Variants in SUGCT observed in about 807,000 individuals in gnomAD.
SUGCT encodes succinyl-CoA:glutarate-CoA transferase.
SUGCT carries 41 observed loss-of-function variants against 55.0 expected under a neutral mutation model. The ratio of observed to expected loss-of-function variants is 0.74; its 90% CI spans 0.58 to 0.97. The LOEUF (loss-of-function observed/expected upper bound fraction) is 0.97. Ranked by LOEUF, SUGCT falls within the 50% of genes least tolerant of loss-of-function variation. The probability of loss-of-function intolerance (pLI) is 0.00; values close to 1 mark genes in which losing one functional copy is unlikely to be tolerated. For synonymous variants in SUGCT, 187 were observed against 200.4 expected, an observed-to-expected ratio of 0.93 and a Z score of 0.56; for missense variants, 568 against 547.8, an observed-to-expected ratio of 1.04 and a Z score of -0.37.
At chr7:40,548,337 C>A (rs748094513) in intron 12 of SUGCT, among the ~76,000 whole-genome samples, 1 of 151,796 alleles carries the variant, frequency 6.6e-6, no homozygotes, top group Non-Finnish European at 1.5e-5. Flanking sequence ...TACAGGCACA[C>A]CCCATGGCAC....
At chr7:40,328,011 G>T (rs181228016) in intron 9 of SUGCT, among the ~76,000 whole-genome samples, 6 of 152,296 alleles carry the variant, frequency 3.9e-5, no homozygotes, top group African/African-American at 1.4e-4. Context: ...TCTAACTGAG[G>T]CAGGGGGACT....
At chr7:40,965,462 CAG>C in the SUGCT span, 1 of 152,050 alleles carries the variant, frequency 6.6e-6, no homozygotes, top group East Asian at 1.9e-4. Context: ...AAAAAATAGG[CAG>C]AGTTATATAT....
intron 6 of SUGCT, among the ~76,000 whole-genome samples, chr7:40,235,013 A>G (rs1000915917): frequency 1.3e-5 from 2 of 152,206 alleles, no homozygotes; most frequent in African/African-American, 4.8e-5. Context: ...AAAATTGACC[A>G]TGAATAATTA....
chr7:40,957,447 C>CTTTTTTTTTTT, the SUGCT span, among the ~76,000 whole-genome samples: 2 of 76,088 alleles, frequency 2.6e-5, no homozygotes, highest in Admixed American at 1.6e-4. Context: ...GCAACCCCTG[C>CTTTTTTTTTTT]TTTTTTTTTT....
chr7:40,435,454 A>G (rs575218879), intron 9 of SUGCT, among the ~76,000 whole-genome samples: 1 of 152,270 alleles, frequency 6.6e-6, no homozygotes, highest in African/African-American at 2.4e-5. Context: ...CAAGGCTTAT[A>G]ATGTCTCATA....
In SUGCT at chr7:40,180,944, C is replaced by T; in HGVS notation, c.101-3C>T. ...TCTTGAAATGTTTTCTCTGTTTTGCCAGATATGAACAATATAAAGCCATTG... is the reference window on the plus strand; with the variant it reads ...TCTTGAAATGTTTTCTCTGTTTTGCTAGATATGAACAATATAAAGCCATTG... On this transcript the variant is annotated splice_polypyrimidine_tract_variant and splice_region_variant and intron_variant, in intron 1 of 13. Coordinates refer to ENST00000335693, the MANE Select transcript of SUGCT (RefSeq NM_001193313.2). 6.2e-7 allele frequency: 1 copy of T among 1,602,142 alleles called. No homozygotes were observed. The highest frequency in any genetic ancestry group is 8.5e-7 in the Non-Finnish European group (1 of 1,170,368).
At chr7:40,718,406 G>T (rs537195993) in intron 12 of SUGCT, among the ~76,000 whole-genome samples, 1 of 152,224 alleles carries the variant, frequency 6.6e-6, no homozygotes, top group East Asian at 1.9e-4. Flanking sequence ...TTTGAGATTT[G>T]GTATTATTAA....
the SUGCT span, among the ~76,000 whole-genome samples, chr7:40,927,895 C>T: frequency 6.6e-6 from 1 of 152,188 alleles, no homozygotes; most frequent in African/African-American, 2.4e-5. Flanking sequence ...TGTCTTTACT[C>T]ATACATGAGA....
intron 3 of SUGCT, among the ~76,000 whole-genome samples, chr7:40,185,562 GC>G (rs1785456100): frequency 6.6e-6 from 1 of 151,632 alleles, no homozygotes; most frequent in Admixed American, 6.6e-5. Flanking sequence ...CGCTCTTCTT[GC>G]CCAGGCTGGA....
intron 9 of SUGCT, among the ~76,000 whole-genome samples, chr7:40,320,344 G>A (rs1380501932): frequency 6.6e-6 from 1 of 152,066 alleles, no homozygotes; most frequent in Admixed American, 6.6e-5. Context: ...GACCTCAAGT[G>A]ATCTGGCTGC....
the SUGCT span, among the ~76,000 whole-genome samples, chr7:40,910,032 G>C: frequency 1.3e-5 from 2 of 152,076 alleles, no homozygotes; most frequent in Non-Finnish European, 2.9e-5. Flanking sequence ...AACATCCAGA[G>C]TTGGAAGACT....
intron 12 of SUGCT, among the ~76,000 whole-genome samples, chr7:40,577,012 A>T (rs1796802496): frequency 6.6e-6 from 1 of 152,222 alleles, no homozygotes; most frequent in South Asian, 2.1e-4. Context: ...GATTACCTGG[A>T]AACTTGTTAG....
rs183509861 is a variant in SUGCT, at chr7:40,324,029, G to A, written c.816+7174G>A. 7.2e-5 allele frequency among the ~76,000 whole-genome samples: 11 copies of A among 151,800 alleles called. No individual in the cohort carries two copies. The East Asian group carries it at 1.9e-3, about 27-fold the overall frequency. On this transcript the variant is annotated intron_variant, in intron 9 of 13. Coordinates refer to ENST00000335693, the MANE Select transcript of SUGCT (RefSeq NM_001193313.2). ...GTCTCTTATTCCACTTAAAATTAAT[G>A]CAATCAAAAGAGAACTACCTTATCT... is the stretch of plus-strand genomic sequence containing the variant.
the SUGCT span, among the ~76,000 whole-genome samples, chr7:40,898,650 G>A: frequency 3.3e-5 from 5 of 152,132 alleles, no homozygotes; most frequent in Admixed American, 2.6e-4. Context: ...CGTGAACCGT[G>A]GAGGCGGACC....
chr7:40,565,611 T>G (rs960089518), intron 12 of SUGCT, among the ~76,000 whole-genome samples: 2 of 152,166 alleles, frequency 1.3e-5, no homozygotes, highest in African/African-American at 4.8e-5. Context: ...ATCGTGACCC[T>G]GTTCTGCTCA....
chr7:40,694,425 T>G (rs1374747816), intron 12 of SUGCT, among the ~76,000 whole-genome samples: 1 of 152,226 alleles, frequency 6.6e-6, no homozygotes, highest in Non-Finnish European at 1.5e-5. Context: ...GCCCTTAGCT[T>G]CTTTGCATCT....
intron 12 of SUGCT, among the ~76,000 whole-genome samples, chr7:40,659,025 C>T (rs2083651502): frequency 6.6e-6 from 1 of 152,152 alleles, no homozygotes; most frequent in Non-Finnish European, 1.5e-5. Flanking sequence ...GTGAGGCTCT[C>T]ATTTCTGGAA....
chr7:40,866,022 T>C, the SUGCT span, among the ~76,000 whole-genome samples: 31 of 152,112 alleles, frequency 2.0e-4, no homozygotes, highest in African/African-American at 7.2e-4. Context: ...CCTGACCACA[T>C]AGATTGGGGG....
At chr7:40,660,794 G>A (rs755191360) in intron 12 of SUGCT, among the ~76,000 whole-genome samples, 1 of 152,126 alleles carries the variant, frequency 6.6e-6, no homozygotes, top group Non-Finnish European at 1.5e-5. Context: ...CTCTGATTCT[G>A]CCTTTCCAAG....
Sources: allele counts gnomAD v4.1 joint callset (sites outside exome capture counted in the v4.1 genomes callset), GRCh38; gene constraint gnomAD v4.1.1; transcripts MANE v1.5; gene names NCBI Gene and HGNC (gene_info 2026-07-23, HGNC 2026-07-21).